The following SLC4A10 variants were observed in gnomAD, a reference collection of about 807,000 sequenced individuals.
SLC4A10 encodes sodium-driven chloride bicarbonate exchanger.
A neutral mutation model predicts 137.7 loss-of-function variants in SLC4A10; 42 were observed. The ratio of observed to expected loss-of-function variants is 0.30; its 90% CI spans 0.24 to 0.39. SLC4A10 has a LOEUF of 0.39. Ranked by LOEUF, SLC4A10 falls within the 10% of genes least tolerant of loss-of-function variation. The probability of loss-of-function intolerance (pLI) is 1.00; values close to 1 mark genes in which losing one functional copy is unlikely to be tolerated. For missense variants in SLC4A10, 925 were observed against 1,355.0 expected, an observed-to-expected ratio of 0.68 and a Z score of 4.98; for synonymous variants, 474 against 464.1, an observed-to-expected ratio of 1.02 and a Z score of -0.27.
chr2:161,950,490 G>GA (rs200485921), intron 18 of SLC4A10, among the ~76,000 whole-genome samples, 197 bp from the exon 19 acceptor site: 2,092 of 146,266 alleles, frequency 0.014, 18 homozygotes, highest in African/African-American at 0.022. Flanking sequence ...GTGTTGTGAA[G>GA]AAAAAAAAAA....
At chr2:161,826,129 G>A (rs1026989541) in intron 3 of SLC4A10, among the ~76,000 whole-genome samples, 1 of 152,046 alleles carries the variant, frequency 6.6e-6, no homozygotes, top group Non-Finnish European at 1.5e-5. Flanking sequence ...CAAATACTAT[G>A]AACACAATTT....
chr2:161,962,478 A>G (rs1005471541), intron 21 of SLC4A10, among the ~76,000 whole-genome samples: 1 of 152,126 alleles, frequency 6.6e-6, no homozygotes, highest in African/African-American at 2.4e-5. Flanking sequence ...TCCTATTCCT[A>G]CCTCTACCAT....
chr2:161,683,179 G>C (rs1425485053), intron 1 of SLC4A10, among the ~76,000 whole-genome samples: 1 of 152,118 alleles, frequency 6.6e-6, no homozygotes, highest in East Asian at 1.9e-4. Flanking sequence ...AAATAGAATA[G>C]AAAGTAGATC....
At chr2:161,942,241 A>G (rs1006751999) in intron 15 of SLC4A10, among the ~76,000 whole-genome samples, 2 of 152,288 alleles carry the variant, frequency 1.3e-5, no homozygotes, top group Non-Finnish European at 2.9e-5. Context: ...AAAATGCTTT[A>G]TGAAGGGCAA....
intron 1 of SLC4A10, among the ~76,000 whole-genome samples, chr2:161,767,139 A>G (rs10187384): frequency 0.35 from 19,542 of 55,946 alleles, 3,850 homozygotes; most frequent in African/African-American, 0.49. Context: ...ATATATATAT[A>G]TGTGTGTGTG....
At chr2:161,705,593 G>C (rs2043572602) in intron 1 of SLC4A10, among the ~76,000 whole-genome samples, 2 of 151,504 alleles carry the variant, frequency 1.3e-5, no homozygotes, top group Non-Finnish European at 3.0e-5. Context: ...ACCAATATAA[G>C]GGCATTAGGT....
intron 3 of SLC4A10, among the ~76,000 whole-genome samples, chr2:161,827,360 C>T (rs1472408283): frequency 1.3e-5 from 2 of 152,160 alleles, no homozygotes; most frequent in East Asian, 1.9e-4. Context: ...CCCTTAGTCA[C>T]CTCAAAGTTA....
intron 1 of SLC4A10, among the ~76,000 whole-genome samples, chr2:161,665,187 TTGA>T (rs1558980663): frequency 6.6e-6 from 1 of 151,764 alleles, no homozygotes; most frequent in East Asian, 1.9e-4. Context: ...CCCTATGGAA[TTGA>T]TGATAAATGA....
At chr2:161,748,630 A>T (rs1469537350) in intron 1 of SLC4A10, among the ~76,000 whole-genome samples, 1 of 152,086 alleles carries the variant, frequency 6.6e-6, no homozygotes, top group African/African-American at 2.4e-5. Flanking sequence ...ACTCTGTTCC[A>T]TTGATACATG....
intron 2 of SLC4A10, among the ~76,000 whole-genome samples, chr2:161,800,721 A>T (rs1640521681): frequency 6.6e-6 from 1 of 152,088 alleles, no homozygotes; most frequent in South Asian, 2.1e-4. Flanking sequence ...CCTGGACCTT[A>T]GTGGATAACA....
chr2:161,779,343 AT>A (rs2052743348), intron 2 of SLC4A10, among the ~76,000 whole-genome samples: 1 of 151,948 alleles, frequency 6.6e-6, no homozygotes, highest in African/African-American at 2.4e-5. Flanking sequence ...AAATTTTAAC[AT>A]GAGTTTTGGT....
At chr2:161,764,653 C>A (rs965818908) in intron 1 of SLC4A10, among the ~76,000 whole-genome samples, 1 of 151,944 alleles carries the variant, frequency 6.6e-6, no homozygotes, top group Admixed American at 6.6e-5. Flanking sequence ...TTAACATATT[C>A]ATAAAGAGAT....
At chr2:161,803,675 A>C (rs1471109957) in intron 2 of SLC4A10, among the ~76,000 whole-genome samples, 4 of 152,090 alleles carry the variant, frequency 2.6e-5, no homozygotes, top group Non-Finnish European at 5.9e-5. Flanking sequence ...CAGTTCTCTC[A>C]TGTCTTTTTT....
At chr2:161,739,125 C>A (rs570074676) in intron 1 of SLC4A10, among the ~76,000 whole-genome samples, 1 of 152,126 alleles carries the variant, frequency 6.6e-6, no homozygotes, top group East Asian at 1.9e-4. Context: ...GTGGGGGGAA[C>A]ATGATATGGG....
chr2:161,667,983 T>A lies in SLC4A10; in HGVS notation c.48+43417T>A, dbSNP rs13015678. Among the ~76,000 whole-genome samples the A allele has an allele frequency of 9.6e-3, 1,454 of 151,978 alleles. 10 individuals are homozygous for A. The highest frequency in any genetic ancestry group is 0.015 in the Non-Finnish European group (1,034 of 67,798). On this transcript the variant is annotated intron_variant, in intron 1 of 26. Transcript: ENST00000446997. The stretch of plus-strand genomic sequence containing the variant: ...TGAGACAGGATCTTATTTTCTATAC[T>A]TATAAACTGACTTTAAAGGTAGTTT...
chr2:161,813,375 C>A (rs892977466), intron 3 of SLC4A10, among the ~76,000 whole-genome samples: 1 of 152,010 alleles, frequency 6.6e-6, no homozygotes, highest in Non-Finnish European at 1.5e-5. Context: ...CTGCCAGGGG[C>A]AGCATAGTTG....
At position 161,629,325 on chromosome 2, in the gene SLC4A10, C is replaced by CT. The variant is rs1233795223; in HGVS notation, c.48+4773dup. Among the ~76,000 whole-genome samples the CT allele has an allele frequency of 2.6e-3, 359 of 137,168 alleles. 1 individual carries two copies. The highest frequency in any genetic ancestry group is 5.2e-3 in the East Asian group (25 of 4,782). 90.0% of individuals were successfully genotyped at this position (137,168 alleles called of 152,430 possible). A position where few individuals can be genotyped will look rare whatever the true frequency, so the allele number is the denominator to read the frequency against. On this transcript the variant is annotated intron_variant, in intron 1 of 26. Transcript: ENST00000446997. ...CTCAGATACTCTTTGGGGTGTACTA[C>CT]TTTTTTTTTTTTTTAGAAAAAGGGA... is the stretch of plus-strand genomic sequence containing the variant.
chr2:161,742,709 G>C (rs1268722306), intron 1 of SLC4A10, among the ~76,000 whole-genome samples: 1 of 151,780 alleles, frequency 6.6e-6, no homozygotes, highest in Non-Finnish European at 1.5e-5. Context: ...CAAAGTGCTG[G>C]GATTACAGGC....
At chr2:161,747,892 T>C (rs981515093) in intron 1 of SLC4A10, among the ~76,000 whole-genome samples, 5 of 152,168 alleles carry the variant, frequency 3.3e-5, no homozygotes, top group African/African-American at 1.2e-4. Context: ...ATAATGGCTG[T>C]ATCAATTTAC....
Sources: allele counts gnomAD v4.1 joint callset (sites outside exome capture counted in the v4.1 genomes callset), GRCh38; gene constraint gnomAD v4.1.1; transcripts MANE v1.5; gene names NCBI Gene and HGNC (gene_info 2026-07-23, HGNC 2026-07-21).